The following NAV3 variants were observed in gnomAD, a reference collection of about 807,000 sequenced individuals.
NAV3 encodes the protein neuron navigator 3.
In NAV3, 87 loss-of-function variants were observed where a neutral mutation model predicts 244.7. The ratio of observed to expected loss-of-function variants is 0.36; its 90% CI spans 0.30 to 0.42. The LOEUF (loss-of-function observed/expected upper bound fraction) is 0.42, where lower values mean the gene tolerates loss of function less well. NAV3 is among the 20% of genes least tolerant of loss of function. The pLI is 1.00. For synonymous variants in NAV3, 1,126 were observed against 1,042.2 expected, an observed-to-expected ratio of 1.08 and a Z score of -1.55; for missense variants, 2,663 against 2,893.3, an observed-to-expected ratio of 0.92 and a Z score of 1.83.
intron 12 of NAV3, among the ~76,000 whole-genome samples, chr12:78,108,894 A>C (rs530247972): frequency 1.8e-4 from 27 of 152,218 alleles, no homozygotes; most frequent in African/African-American, 6.0e-4. Context: ...AATGTGCCTG[A>C]AGAAACTAAA....
At chr12:77,673,230 C>T (rs1370851198) in intron 2 of NAV3, among the ~76,000 whole-genome samples, 2 of 152,046 alleles carry the variant, frequency 1.3e-5, no homozygotes, top group Non-Finnish European at 2.9e-5. Context: ...ATGAATTTGG[C>T]TTTACTATTC....
chr12:77,973,969 T>G (rs199975894), intron 5 of NAV3, among the ~76,000 whole-genome samples: 1 of 151,532 alleles, frequency 6.6e-6, no homozygotes, highest in Non-Finnish European at 1.5e-5. Context: ...TAGAGAGAAA[T>G]AATTGAAGAG....
At chr12:77,899,811 C>G (rs1885053673) in intron 1 of NAV3, among the ~76,000 whole-genome samples, 1 of 152,224 alleles carries the variant, frequency 6.6e-6, no homozygotes, top group Admixed American at 6.5e-5. Flanking sequence ...AGAAACCCAT[C>G]ATTTAACCAA....
At chr12:77,711,759 A>G (rs571178599) in intron 2 of NAV3, among the ~76,000 whole-genome samples, 3 of 152,314 alleles carry the variant, frequency 2.0e-5, no homozygotes, top group South Asian at 4.1e-4. Context: ...CTAGGAACTA[A>G]GCAGCCATTA....
intron 2 of NAV3, among the ~76,000 whole-genome samples, chr12:77,729,773 C>T (rs1473976244): frequency 1.3e-5 from 2 of 151,824 alleles, no homozygotes; most frequent in African/African-American, 2.4e-5. Flanking sequence ...AGGAGACTTA[C>T]CTATTGGTAA....
intron 2 of NAV3, chr12:77,783,626 A>G (rs754424197): frequency 2.0e-5 from 3 of 152,290 alleles, no homozygotes; most frequent in African/African-American, 7.2e-5. Context: ...GGCAGGCTTC[A>G]TGGAGAAGGG....
At chr12:78,162,822 A>G (rs1036327102) in intron 23 of NAV3, among the ~76,000 whole-genome samples, 1 of 147,688 alleles carries the variant, frequency 6.8e-6, no homozygotes, top group African/African-American at 2.5e-5. Flanking sequence ...AGGTCATGCC[A>G]CTGCACTCCA....
intron 16 of NAV3, among the ~76,000 whole-genome samples, chr12:78,124,862 T>C (rs1955838205): frequency 6.6e-6 from 1 of 151,978 alleles, no homozygotes; most frequent in African/African-American, 2.4e-5. Context: ...GTTTTGCCTT[T>C]GAGCCTTAAT....
chr12:77,813,569 A>AT (rs1326936504), intron 2 of NAV3, among the ~76,000 whole-genome samples: 3 of 152,158 alleles, frequency 2.0e-5, no homozygotes, highest in Non-Finnish European at 2.9e-5. Flanking sequence ...CAGTAGCTAT[A>AT]TTTATACTTG....
At chr12:78,075,002 G>T (rs1261247718) in intron 12 of NAV3, among the ~76,000 whole-genome samples, 1 of 152,186 alleles carries the variant, frequency 6.6e-6, no homozygotes, top group Non-Finnish European at 1.5e-5. Context: ...CTGCACAGTT[G>T]AGGGCTGAAC....
intron 2 of NAV3, among the ~76,000 whole-genome samples, chr12:77,725,874 G>A (rs567479517): frequency 1.2e-4 from 18 of 152,000 alleles, no homozygotes; most frequent in South Asian, 6.2e-4. Flanking sequence ...AGCCCTAAAG[G>A]CTGCCCTGTC....
intron 1 of NAV3, among the ~76,000 whole-genome samples, chr12:77,937,146 T>C (rs915672020): frequency 3.9e-5 from 6 of 152,196 alleles, no homozygotes; most frequent in African/African-American, 1.4e-4. Context: ...CTACAATTAT[T>C]TTTAAATTTG....
At chr12:77,769,931 A>C (rs1021204833) in intron 2 of NAV3, among the ~76,000 whole-genome samples, 1 of 152,170 alleles carries the variant, frequency 6.6e-6, no homozygotes, top group Non-Finnish European at 1.5e-5. Context: ...GGTAACTAGG[A>C]TATTTTTTTT....
intron 8 of NAV3, among the ~76,000 whole-genome samples, chr12:78,017,422 G>T (rs1246503631): frequency 5.9e-5 from 9 of 152,072 alleles, no homozygotes; most frequent in African/African-American, 2.2e-4. Context: ...GACAGAGTGA[G>T]ACCCTATCTC....
intron 1 of NAV3, among the ~76,000 whole-genome samples, chr12:77,866,701 A>G (rs1313594780): frequency 6.6e-6 from 1 of 152,242 alleles, no homozygotes; most frequent in African/African-American, 2.4e-5. Flanking sequence ...AATGAATGGT[A>G]TATCGTAACT....
intron 39 of NAV3, among the ~76,000 whole-genome samples, chr12:78,205,741 A>T (rs935533133): frequency 6.6e-6 from 1 of 152,058 alleles, no homozygotes; most frequent in Admixed American, 6.6e-5. Context: ...AGGAAAAAAA[A>T]CACTTTTTAT....
intron 5 of NAV3, among the ~76,000 whole-genome samples, chr12:77,992,166 GAAT>G (rs1300180540): frequency 3.3e-5 from 5 of 151,964 alleles, no homozygotes; most frequent in Non-Finnish European, 7.4e-5. Context: ...ATCTATTTGA[GAAT>G]AATATCAAGA....
intron 1 of NAV3, among the ~76,000 whole-genome samples, chr12:77,868,620 G>T (rs1880444242): frequency 6.6e-6 from 1 of 151,668 alleles, no homozygotes. Context: ...GCAGGGCATG[G>T]TGGCACACAC....
At chr12:78,039,873 A>G (rs1460494505) in intron 9 of NAV3, among the ~76,000 whole-genome samples, 1 of 152,036 alleles carries the variant, frequency 6.6e-6, no homozygotes, top group African/African-American at 2.4e-5. Flanking sequence ...ATTCTGGAAG[A>G]TGTGTGGAAG....
Sources: gnomAD v4.1 joint callset for allele counts (sites outside exome capture counted in the v4.1 genomes callset) on GRCh38, gnomAD v4.1.1 for gene constraint, MANE v1.5 for transcripts, NCBI Gene and HGNC (gene_info 2026-07-23, HGNC 2026-07-21) for gene names.